Variants in NARS2 observed in about 807,000 individuals in gnomAD.
NARS2 encodes asparaginyl-tRNA synthetase.
NARS2 carries 60 observed loss-of-function variants against 62.9 expected under a neutral mutation model. The observed-to-expected ratio is 0.95, with a 90% confidence interval of 0.77 to 1.18. NARS2 has a LOEUF of 1.18. Among genes scored for constraint, NARS2 ranks in the 50% most tolerant of loss-of-function variants. The probability of loss-of-function intolerance (pLI) is 0.00; values close to 1 mark genes in which losing one functional copy is unlikely to be tolerated. For synonymous variants in NARS2, 196 were observed against 200.0 expected (o/e 0.98, Z 0.17); for missense variants, 619 against 576.4 (o/e 1.07, Z -0.76).
chr11:78,530,774 A>C (rs1861449206), intron 5 of NARS2, among the ~76,000 whole-genome samples: 1 of 152,150 alleles, frequency 6.6e-6, no homozygotes, highest in Non-Finnish European at 1.5e-5. Context: ...GCCTATGACT[A>C]GATTTTAGAT....
chr11:78,449,256 C>A (rs531743138), intron 11 of NARS2, among the ~76,000 whole-genome samples: 37 of 151,850 alleles, frequency 2.4e-4, no homozygotes, highest in African/African-American at 8.2e-4. Flanking sequence ...CTGCCTCAGC[C>A]TCCCGAGTAG....
At position 78,473,662 on chromosome 11, in the gene NARS2, G is replaced by A. The variant is rs576490319; in HGVS notation, c.960-4349C>T. On this transcript the variant is annotated intron_variant, in intron 9 of 13. Transcript: ENST00000281038. ...GCTCACTTAAGGGCCAACTGTGGCT[G>A]CAAATTCTCAATGAAGACTATTTCT... Among the ~76,000 whole-genome samples, 8 of 152,344 alleles carry A rather than the reference G, an allele frequency of 5.3e-5. No individual in the cohort carries two copies. The South Asian group carries it at 1.7e-3, about 32-fold the overall frequency.
chr11:78,481,841 G>A (rs1218825901), intron 7 of NARS2, among the ~76,000 whole-genome samples: 1 of 152,262 alleles, frequency 6.6e-6, no homozygotes, highest in South Asian at 2.1e-4. Flanking sequence ...AAGAGACGCA[G>A]ATTACTTTTG....
intron 5 of NARS2, among the ~76,000 whole-genome samples, chr11:78,529,391 T>G (rs1023119432): frequency 8.5e-5 from 13 of 152,224 alleles, no homozygotes; most frequent in African/African-American, 1.4e-4. Context: ...TTAACACAGA[T>G]TTTTATAAAC....
At chr11:78,481,059 G>A (rs781338617) in intron 7 of NARS2, among the ~76,000 whole-genome samples, 4 of 152,070 alleles carry the variant, frequency 2.6e-5, no homozygotes, top group Admixed American at 6.5e-5. Flanking sequence ...GGCCTCAAGT[G>A]ATCCACCTGC....
intron 5 of NARS2, among the ~76,000 whole-genome samples, chr11:78,535,632 C>CT (rs879730039): frequency 0.016 from 2,266 of 144,112 alleles, 36 homozygotes; most frequent in African/African-American, 0.039. Flanking sequence ...CCAGAAAGCT[C>CT]TTTTTTTTTT....
chr11:78,516,339 A>G (rs548021861), intron 6 of NARS2, among the ~76,000 whole-genome samples: 1 of 152,366 alleles, frequency 6.6e-6, no homozygotes, highest in East Asian at 1.9e-4. Context: ...CAAAAGGAAT[A>G]GAATCTACAT....
chr11:78,482,532 T>C (rs1430504321), intron 7 of NARS2, among the ~76,000 whole-genome samples: 1 of 151,670 alleles, frequency 6.6e-6, no homozygotes, highest in Non-Finnish European at 1.5e-5. Context: ...AAGAATCAAA[T>C]AGACACAATA....
chr11:78,572,533 G>A (rs1856966708), intron 1 of NARS2, among the ~76,000 whole-genome samples: 2 of 152,110 alleles, frequency 1.3e-5, no homozygotes, highest in Admixed American at 6.6e-5. Flanking sequence ...TCTGCCTAGG[G>A]AACACATCTT....
At chr11:78,465,382 A>T (rs1346656670) in intron 11 of NARS2, among the ~76,000 whole-genome samples, 1 of 152,244 alleles carries the variant, frequency 6.6e-6, no homozygotes, top group Non-Finnish European at 1.5e-5. Flanking sequence ...GGGCTCCTCA[A>T]GTGCCGCCAA....
At chr11:78,532,134 A>T (rs1861502589) in intron 5 of NARS2, among the ~76,000 whole-genome samples, 1 of 152,214 alleles carries the variant, frequency 6.6e-6, no homozygotes, top group Admixed American at 6.5e-5. Flanking sequence ...TTAAATTTGT[A>T]ATCTTACGTA....
At chr11:78,531,491 TA>T (rs1207936968) in intron 5 of NARS2, among the ~76,000 whole-genome samples, 1 of 152,222 alleles carries the variant, frequency 6.6e-6, no homozygotes, top group Non-Finnish European at 1.5e-5. Flanking sequence ...AATGGCACAG[TA>T]ATTCCATTCC....
chr11:78,462,403 G>A (rs2065453680), intron 11 of NARS2, among the ~76,000 whole-genome samples: 1 of 152,176 alleles, frequency 6.6e-6, no homozygotes, highest in African/African-American at 2.4e-5. Context: ...CATCAATTAT[G>A]TTGCTCACTA....
rs550950988 is a variant in NARS2 at position 78,464,127 on chromosome 11, T to C, written c.1164+1749A>G. On this transcript the variant is annotated intron_variant, in intron 11 of 13. Coordinates refer to ENST00000281038, the MANE Select transcript of NARS2 (RefSeq NM_024678.6). Reference sequence around the variant, plus strand: ...GTTCGTGGTCTGGCTGGCTCAGGAGTGAAGCTGCAGACCTTCGCGGTGAGT... The same window carrying C: ...GTTCGTGGTCTGGCTGGCTCAGGAGCGAAGCTGCAGACCTTCGCGGTGAGT... Among the ~76,000 whole-genome samples, 51 of 151,938 alleles carry C rather than the reference T, an allele frequency of 3.4e-4. No individual in the cohort carries two copies. The Middle Eastern group carries it at 0.01, about 30-fold the overall frequency.
chr11:78,440,683 C>A (rs530800756), intron 13 of NARS2, among the ~76,000 whole-genome samples: 31 of 152,144 alleles, frequency 2.0e-4, no homozygotes, highest in African/African-American at 7.0e-4. Context: ...CAGGTGCCTG[C>A]CACCATACCC....
chr11:78,443,248 C>T (rs1857632998), intron 12 of NARS2, among the ~76,000 whole-genome samples: 1 of 151,214 alleles, frequency 6.6e-6, no homozygotes, highest in African/African-American at 2.4e-5. Context: ...ATGGCGTGAA[C>T]CCCGGGAGGC....
chr11:78,467,428 T>C (rs1429552448), intron 10 of NARS2, among the ~76,000 whole-genome samples: 2 of 151,704 alleles, frequency 1.3e-5, no homozygotes, highest in African/African-American at 4.8e-5. Context: ...TCCCAGATAG[T>C]TGGGAGACTG....
intron 5 of NARS2, among the ~76,000 whole-genome samples, chr11:78,544,510 C>T (rs1855769240): frequency 6.6e-6 from 1 of 152,154 alleles, no homozygotes. Context: ...GAATGAGTTA[C>T]CGGCTGAGCG....
intron 6 of NARS2, among the ~76,000 whole-genome samples, chr11:78,514,593 G>A (rs1045555814): frequency 4.6e-5 from 7 of 152,180 alleles, no homozygotes; most frequent in African/African-American, 1.4e-4. Context: ...CATGAAACTT[G>A]CTTATTACAA....
Sources: allele counts gnomAD v4.1 joint callset (sites outside exome capture counted in the v4.1 genomes callset), GRCh38; gene constraint gnomAD v4.1.1; transcripts MANE v1.5; gene names NCBI Gene and HGNC (gene_info 2026-07-23, HGNC 2026-07-21).